The following PCNT variants were observed in gnomAD, a reference collection of about 807,000 sequenced individuals.
PCNT encodes pericentrin, also known as kendrin.
Under a neutral mutation model 380.4 loss-of-function variants are expected in PCNT, and 319 were observed. The observed-to-expected ratio is 0.84, with a 90% CI of 0.77 to 0.92. The LOEUF (loss-of-function observed/expected upper bound fraction) is 0.92. PCNT is among the 40% of genes least tolerant of loss of function. The pLI is 0.00. For synonymous variants in PCNT, 1,845 were observed against 1,735.2 expected, an observed-to-expected ratio of 1.06 and a Z score of -1.57; for missense variants, 4,400 against 4,255.3, an observed-to-expected ratio of 1.03 and a Z score of -0.95.
rs539822113 is a variant in PCNT, at chr21:46,364,284, G to A, written c.2609+350G>A. ...GGCAGTTGCTGTCCCGAAGCCCCCA[G>A]GCTGCAATGGGGACAGCTTTGTGCT... On this transcript the variant is annotated intron_variant, in intron 14 of 46. Coordinates refer to ENST00000359568, the MANE Select transcript of PCNT (RefSeq NM_006031.6). 9.4e-5 allele frequency among the ~76,000 whole-genome samples: 14 copies of A among 149,546 alleles called. No homozygotes were observed. The South Asian group carries it at 1.3e-3, about 14-fold the overall frequency.
chr21:46,433,925 C>A (rs1014386363), intron 38 of PCNT, among the ~76,000 whole-genome samples: 6 of 152,144 alleles, frequency 3.9e-5, no homozygotes, highest in Non-Finnish European at 8.8e-5. Flanking sequence ...GTGCATGTCA[C>A]CACGCCCAGC....
Position 46,416,339 on chromosome 21 carries a change from G to T in PCNT, c.6421G>T (p.Val2141Phe), listed in dbSNP as rs774154341. 3.7e-6 allele frequency: 6 copies of T among 1,613,796 alleles called. No individual in the cohort carries two copies. In the Admixed American group the frequency reaches 1.0e-4, roughly 27 times the overall value. ...TACAGCCACGGGGGGTGTAACTGAT[G>T]TTATCAAAAATCAGGCCATAGACGC... is the stretch of plus-strand genomic sequence containing the variant. ...ANTATGGVTD[V>F]IKNQAIDACD... The change falls in exon 30 of 47, where the codon GTT becomes TTT. Residue 2141 changes from valine to phenylalanine, a missense_variant. Coordinates refer to ENST00000359568, the MANE Select transcript of PCNT (RefSeq NM_006031.6).
At chr21:46,360,437 A>G (rs1370874575) in intron 13 of PCNT, among the ~76,000 whole-genome samples, 1 of 136,540 alleles carries the variant, frequency 7.3e-6, no homozygotes, top group African/African-American at 2.8e-5. Flanking sequence ...CCGTGTTAGG[A>G]TGTTCTCGAT....
At chr21:46,354,358 G>A (rs749096906) in intron 11 of PCNT, among the ~76,000 whole-genome samples, 14 of 152,258 alleles carry the variant, frequency 9.2e-5, no homozygotes, top group Non-Finnish European at 1.8e-4. Flanking sequence ...CGTCAGACTT[G>A]ACAGTGGCAG....
intron 15 of PCNT, among the ~76,000 whole-genome samples, chr21:46,377,232 G>A (rs1374662406): frequency 6.6e-6 from 1 of 152,184 alleles, no homozygotes; most frequent in East Asian, 1.9e-4. Flanking sequence ...CCAGCCCTCA[G>A]CCCTCCTGGC....
chr21:46,333,666 C>G (rs920643676), intron 2 of PCNT, among the ~76,000 whole-genome samples: 11 of 151,476 alleles, frequency 7.3e-5, no homozygotes, highest in Admixed American at 1.3e-4. Flanking sequence ...TTGGGGAGGC[C>G]GAGGCGGGTG....
chr21:46,354,965 G>A (rs1310191073), intron 11 of PCNT, among the ~76,000 whole-genome samples: 1 of 152,218 alleles, frequency 6.6e-6, no homozygotes, highest in Non-Finnish European at 1.5e-5. Context: ...GGGCTGGGGT[G>A]GGTAGCCCCA....
At position 46,431,594 on chromosome 21, in the gene PCNT, C is replaced by G; in HGVS notation, c.8130C>G (p.His2710Gln). The G allele has an allele frequency of 1.2e-6, 2 of 1,614,062 alleles. No individual in the cohort carries two copies. Among genetic ancestry groups the G allele is most frequent in the Non-Finnish European group, 1.7e-6 (2 of 1,179,970 alleles). Reference sequence around the variant, plus strand: ...GTCGACTCTGCGTGGCACTGAAACACGAGCAGACGGCCAAGGACAACCTGC... The same window carrying G: ...GTCGACTCTGCGTGGCACTGAAACAGGAGCAGACGGCCAAGGACAACCTGC... ...QSSRLCVALKHEQTAKDNLQK... is the reference protein window; with the variant it reads ...QSSRLCVALKQEQTAKDNLQK... Residue 2710 changes from histidine (H) to glutamine (Q), a missense_variant, in exon 38 of 47, where the codon CAC becomes CAG. Transcript: ENST00000359568.
At chr21:46,350,803 G>A (rs1310125353) in intron 8 of PCNT, among the ~76,000 whole-genome samples, 1 of 152,076 alleles carries the variant, frequency 6.6e-6, no homozygotes, top group Non-Finnish European at 1.5e-5. Context: ...GGGAAAGAGG[G>A]GGCTGGTAGC....
At chr21:46,368,437 GACTCTGTCTCAAA>G (rs1297002645) in intron 15 of PCNT, among the ~76,000 whole-genome samples, 2 of 151,706 alleles carry the variant, frequency 1.3e-5, no homozygotes, top group Non-Finnish European at 2.9e-5. Flanking sequence ...GACAGAGCAA[GACTCTGTCTCAAA>G]AAAAAAAAAG....
chr21:46,365,148 A>T (rs1386238096), intron 14 of PCNT, among the ~76,000 whole-genome samples: 4 of 151,860 alleles, frequency 2.6e-5, no homozygotes, highest in Non-Finnish European at 4.4e-5. Context: ...ATTCACTGCC[A>T]TGGGGGTTCT....
chr21:46,411,411 G>C lies in PCNT; in HGVS notation c.5338G>C (p.Ala1780Pro). Reference protein sequence around the residue: ...SLQSELLCSQAGGPRGQALQG... With the variant: ...SLQSELLCSQPGGPRGQALQG... ...GCAGAGCGAGCTGCTCTGCTCCCAG[G>C]CCGGGGGCCCTCGTGGGCAGGCCCT... Residue 1780 changes from alanine to proline, a missense_variant, in exon 28 of 47, where the codon GCC (alanine) becomes CCC (proline). Physicochemically the swap from Ala to Pro is conservative, Grantham distance 27. Coordinates refer to ENST00000359568, the MANE Select transcript of PCNT (RefSeq NM_006031.6). The C allele has an allele frequency of 3.7e-6, 6 of 1,613,398 alleles. No individual in the cohort carries two copies. Among genetic ancestry groups the C allele is most frequent in the Non-Finnish European group, 5.1e-6 (6 of 1,179,942 alleles).
intron 9 of PCNT, 121 bp from the exon 10 acceptor site, chr21:46,352,983 T>C (rs1156603457): frequency 1.3e-6 from 1 of 785,116 alleles, no homozygotes; most frequent in Non-Finnish European, 2.2e-6. Context: ...CCCTCTCCGG[T>C]TCTGGGATGG....
intron 14 of PCNT, among the ~76,000 whole-genome samples, chr21:46,365,192 CGTGGGGTTCTATTCACTGCT>C (rs1428813125): frequency 1.3e-5 from 2 of 151,966 alleles, no homozygotes; most frequent in Non-Finnish European, 2.9e-5. Flanking sequence ...TCCTCACTGC[CGTGGGGTTCTATTCACTGCT>C]GTGGGGTTCT....
At chr21:46,428,344 G>A (rs770636735) in intron 34 of PCNT, 51 bp from the exon 35 acceptor site, 4 of 1,548,770 alleles carry the variant, frequency 2.6e-6, no homozygotes, top group Non-Finnish European at 3.5e-6. Context: ...GAAGGCCGGG[G>A]CATGGGGTGG....
chr21:46,386,875 C>G (rs56034615), intron 17 of PCNT, among the ~76,000 whole-genome samples: 4 of 152,180 alleles, frequency 2.6e-5, no homozygotes, highest in African/African-American at 9.7e-5. Context: ...TCCCCGTCCC[C>G]TTGTGTGGGT....
Position 46,445,478 on chromosome 21 carries a change from C to T in PCNT, c.*151C>T, listed in dbSNP as rs1178654796. 9 of 729,240 alleles carry T rather than the reference C, an allele frequency of 1.2e-5. No individual in the cohort carries two copies. In the East Asian group the frequency reaches 1.5e-4, roughly 13 times the overall value. The allele number at this position is 729,240 out of a possible 1,614,324, so 45.2% of individuals were successfully genotyped here. On this transcript the variant is annotated 3_prime_UTR_variant, in exon 47 of 47. Transcript: ENST00000359568. ...AGATGCCTTGAATTAAGTGTCCTCACCTTTATGCATGACTGCAAAGCCAGC... is the reference window on the plus strand; with the variant it reads ...AGATGCCTTGAATTAAGTGTCCTCATCTTTATGCATGACTGCAAAGCCAGC...
intron 31 of PCNT, among the ~76,000 whole-genome samples, chr21:46,419,781 C>T (rs927088317): frequency 1.3e-5 from 2 of 152,162 alleles, no homozygotes; most frequent in Admixed American, 6.5e-5. Flanking sequence ...TGCTCTCTCA[C>T]GCAGGCTGGA....
At chr21:46,340,906 C>T (rs955880130) in intron 3 of PCNT, among the ~76,000 whole-genome samples, 2 of 150,938 alleles carry the variant, frequency 1.3e-5, no homozygotes, top group Non-Finnish European at 3.0e-5. Context: ...ACTCTTGAGA[C>T]GAAGTCTCAC....
Sources: allele counts gnomAD v4.1 joint callset (sites outside exome capture counted in the v4.1 genomes callset), GRCh38; gene constraint gnomAD v4.1.1; transcripts MANE v1.5; gene names NCBI Gene and HGNC (gene_info 2026-07-23, HGNC 2026-07-21).